The following CRISP2 variants were observed in gnomAD, a reference collection of about 807,000 sequenced individuals.
CRISP2 encodes cysteine-rich secretory protein 2.
In CRISP2, 29 loss-of-function variants were observed where a neutral mutation model predicts 31.7. The ratio of observed to expected loss-of-function variants is 0.92; its 90% confidence interval spans 0.68 to 1.25. The LOEUF (loss-of-function observed/expected upper bound fraction) is 1.25, where lower values mean the gene tolerates loss of function less well. Ranked by LOEUF, CRISP2 falls within the 50% of genes most tolerant of loss-of-function variation. The pLI is 0.00. For synonymous variants in CRISP2, 111 were observed against 101.4 expected (o/e 1.09, Z -0.57); for missense variants, 318 against 286.5 (o/e 1.11, Z -0.79).
intron 9 of CRISP2, among the ~76,000 whole-genome samples, chr6:49,693,794 C>T (rs954934379): frequency 2.6e-5 from 4 of 151,980 alleles, no homozygotes; most frequent in Non-Finnish European, 5.9e-5. Flanking sequence ...TTCTAAATGT[C>T]AATCTCTTCT....
chr6:49,690,950 A>G (rs1764030632), downstream of CRISP2, among the ~76,000 whole-genome samples: 1 of 151,746 alleles, frequency 6.6e-6, no homozygotes, highest in African/African-American at 2.4e-5. Flanking sequence ...ATTCTGGTAT[A>G]GAGGGTTTTT....
intron 3 of CRISP2, 38 bp from the exon 4 acceptor site, chr6:49,709,243 T>C (rs1767584601): frequency 1.3e-6 from 2 of 1,593,794 alleles, no homozygotes; most frequent in Non-Finnish European, 1.7e-6. Flanking sequence ...TTGAAATATG[T>C]AGTTTAAAAA....
At chr6:49,693,858 G>T (rs1279674720) in intron 9 of CRISP2, among the ~76,000 whole-genome samples, 2 of 152,010 alleles carry the variant, frequency 1.3e-5, no homozygotes, top group Non-Finnish European at 1.5e-5. Flanking sequence ...ATTGAAGTTT[G>T]TTGGGCTTCC....
At chr6:49,685,834 ACTT>A in the CRISP2 span, among the ~76,000 whole-genome samples, 2 of 152,074 alleles carry the variant, frequency 1.3e-5, no homozygotes, top group Admixed American at 1.3e-4. Flanking sequence ...GCTTTCCCCC[ACTT>A]CTTAATTATA....
the CRISP2 span, among the ~76,000 whole-genome samples, chr6:49,684,555 T>G: frequency 6.6e-6 from 1 of 152,202 alleles, no homozygotes; most frequent in African/African-American, 2.4e-5. Flanking sequence ...TCTGCAGTGC[T>G]AAGGGGAAGC....
intron 8 of CRISP2, among the ~76,000 whole-genome samples, chr6:49,696,287 G>T (rs1278623095): frequency 3.3e-5 from 5 of 152,126 alleles, no homozygotes; most frequent in Admixed American, 2.0e-4. Context: ...CCTGTAGAGG[G>T]AAAGGAGAAG....
At chr6:49,699,262 AT>A (rs1451750041) in intron 6 of CRISP2, among the ~76,000 whole-genome samples, 1 of 151,938 alleles carries the variant, frequency 6.6e-6, no homozygotes, top group Non-Finnish European at 1.5e-5. Flanking sequence ...AAAAATATTC[AT>A]TTTTATAGAA....
intron 4 of CRISP2, among the ~76,000 whole-genome samples, chr6:49,702,175 A>AACATTTTC (rs1766177372): frequency 9.2e-6 from 1 of 108,950 alleles, no homozygotes; most frequent in Non-Finnish European, 1.8e-5. Context: ...ATATATATAT[A>AACATTTTC]TATATATAAC....
At position 49,699,828 on chromosome 6, in the gene CRISP2, T is replaced by C; in HGVS notation, c.247A>G (p.Ser83Gly). 2 of 1,612,118 alleles carry C rather than the reference T, an allele frequency of 1.2e-6. No individual in the cohort carries two copies. Among genetic ancestry groups the C allele is most frequent in the Non-Finnish European group, 1.7e-6 (2 of 1,178,736 alleles). The change falls in exon 6 of 10, where the codon AGT (serine) becomes GGT (glycine). Residue 83 changes from serine (S) to glycine (G), a missense_variant. By Grantham distance (56) the Ser-to-Gly change is moderately conservative. Coordinates refer to ENST00000339139, the MANE Select transcript of CRISP2 (RefSeq NM_003296.4). Reference protein sequence around the residue: ...RWANKCTLQHSDPEDRKTSTR... With the variant: ...RWANKCTLQHGDPEDRKTSTR... ...CTGGTTTTGCGGTCCTCTGGATCACTATGTTGTAAAGTGCACTTGTTTGCC... is the reference window on the plus strand; with the variant it reads ...CTGGTTTTGCGGTCCTCTGGATCACCATGTTGTAAAGTGCACTTGTTTGCC...
downstream of CRISP2, among the ~76,000 whole-genome samples, chr6:49,688,116 C>G (rs1763942832): frequency 6.6e-6 from 1 of 152,192 alleles, no homozygotes; most frequent in African/African-American, 2.4e-5. Context: ...TCTGGGAGGT[C>G]AACCTGCAAT....
chr6:49,702,250 A>G (rs1328504800), intron 4 of CRISP2, among the ~76,000 whole-genome samples: 1 of 142,674 alleles, frequency 7.0e-6, no homozygotes, highest in Non-Finnish European at 1.5e-5. Flanking sequence ...GCAATTGTGA[A>G]TTGTACTGCT....
rs1327193120 is a variant in CRISP2 at position 49,711,364 on chromosome 6, A to G, written c.-46-43T>C. On this transcript the variant is annotated intron_variant, in intron 2 of 9. Coordinates refer to ENST00000339139, the MANE Select transcript of CRISP2 (RefSeq NM_003296.4). ...GTGGAAGGTTTAGAGCAGCATATAT[A>G]TTACACATATTCCTGTTTTGTCAAA... 2.6e-5 allele frequency: 4 copies of G among 152,200 alleles called. No individual in the cohort carries two copies. The East Asian group carries it at 7.7e-4, about 29-fold the overall frequency. 9.4% of individuals were successfully genotyped at this position (152,200 alleles called of 1,614,324 possible).
At chr6:49,702,148 T>TATGTGTACATATATATATATGTGTAC (rs1766142175) in intron 4 of CRISP2, among the ~76,000 whole-genome samples, 5 of 33,850 alleles carry the variant, frequency 1.5e-4, no homozygotes, top group African/African-American at 1.0e-3. Context: ...ACTATATATA[T>TATGTGTACATATATATATATGTGTAC]ATATATATAT....
chr6:49,685,911 CAA>C, the CRISP2 span, among the ~76,000 whole-genome samples: 2 of 151,900 alleles, frequency 1.3e-5, no homozygotes, highest in African/African-American at 4.8e-5. Context: ...TGAAACTATA[CAA>C]AGAGGAATAC....
chr6:49,712,730 T>C (rs1285976881), intron 1 of CRISP2, 126 bp from the exon 2 acceptor site: 4 of 152,226 alleles, frequency 2.6e-5, no homozygotes, highest in Admixed American at 6.5e-5. Flanking sequence ...AATAATTTAC[T>C]GTATTTATTT....
downstream of CRISP2, among the ~76,000 whole-genome samples, chr6:49,687,989 G>T (rs1763937628): frequency 6.6e-6 from 1 of 152,148 alleles, no homozygotes; most frequent in African/African-American, 2.4e-5. Context: ...CACAACTGGG[G>T]AAATACCAGC....
Position 49,697,908 on chromosome 6 carries a change from G to A in CRISP2, c.467C>T (p.Pro156Leu). The A allele has an allele frequency of 6.2e-7, 1 of 1,610,710 alleles. No homozygotes were observed. Among genetic ancestry groups the A allele is most frequent in the Non-Finnish European group, 8.5e-7 (1 of 1,178,468 alleles). ...YQVGCGIAYCPNQDSLKYYYV... is the reference protein window; with the variant it reads ...YQVGCGIAYCLNQDSLKYYYV... ...GTAGTATTTTAGACTATCTTGATTG[G>A]GACAGTAGGCAATTCCACAGCCTAC... Residue 156 changes from proline to leucine, a missense_variant, in exon 8 of 10, where the codon CCC (proline) becomes CTC (leucine). By Grantham distance (98) the Pro-to-Leu change is moderately conservative (BLOSUM62 -3). Coordinates refer to ENST00000339139, the MANE Select transcript of CRISP2 (RefSeq NM_003296.4).
intron 4 of CRISP2, among the ~76,000 whole-genome samples, chr6:49,701,220 C>T (rs1765614158): frequency 6.6e-6 from 1 of 151,780 alleles, no homozygotes; most frequent in Non-Finnish European, 1.5e-5. Flanking sequence ...TTGGTGCACC[C>T]ATCACCCCAG....
In CRISP2 at chr6:49,712,527, T is replaced by G. The variant is rs1214229700; in HGVS notation, c.-73A>C. On this transcript the variant is annotated 5_prime_UTR_variant, in exon 2 of 10. Transcript: ENST00000339139. ...AATGGTGAAGTACTGTGCTCTTTCTTGCAGGTGTTTTAAGATCAGGATGAC... is the reference window on the plus strand; with the variant it reads ...AATGGTGAAGTACTGTGCTCTTTCTGGCAGGTGTTTTAAGATCAGGATGAC... The G allele has an allele frequency of 6.6e-6, 1 of 152,200 alleles. No homozygotes were observed. The highest frequency in any genetic ancestry group is 1.5e-5 in the Non-Finnish European group (1 of 68,044). The allele number at this position is 152,200 out of a possible 1,614,324, so 9.4% of individuals were successfully genotyped here. A position where few individuals can be genotyped will look rare whatever the true frequency, so the allele number is the denominator to read the frequency against.
Sources: allele counts gnomAD v4.1 joint callset (sites outside exome capture counted in the v4.1 genomes callset), GRCh38; gene constraint gnomAD v4.1.1; transcripts MANE v1.5; gene names NCBI Gene and HGNC (gene_info 2026-07-23, HGNC 2026-07-21).